Variants in METTL25 observed in about 807,000 individuals in gnomAD.
The protein encoded by METTL25 is methyltransferase like 25, also known as probable methyltransferase-like protein 25.
In METTL25, 64 loss-of-function variants were observed where a neutral mutation model predicts 71.6. The observed-to-expected ratio is 0.89, with a 90% CI of 0.73 to 1.10. METTL25 has a LOEUF of 1.10. Among genes scored for constraint, METTL25 ranks in the 50% least tolerant of loss-of-function variants. METTL25 has a pLI of 0.00. For missense variants in METTL25, 807 were observed against 707.0 expected (o/e 1.14, Z -1.60); for synonymous variants, 287 against 250.3 (o/e 1.15, Z -1.38).
intron 9 of METTL25, among the ~76,000 whole-genome samples, chr12:82,459,553 G>A (rs1000856576): frequency 6.6e-6 from 1 of 152,178 alleles, no homozygotes; most frequent in Non-Finnish European, 1.5e-5. Context: ...CTTGAGCCCA[G>A]GAGTTTGAGG....
At chr12:82,424,441 C>T (rs1365343464) in intron 5 of METTL25, among the ~76,000 whole-genome samples, 4 of 151,958 alleles carry the variant, frequency 2.6e-5, no homozygotes, top group East Asian at 3.9e-4. Flanking sequence ...ATGTAAATGA[C>T]GAGTTAATGG....
chr12:82,459,081 C>T (rs1311481502), intron 9 of METTL25, among the ~76,000 whole-genome samples: 2 of 152,048 alleles, frequency 1.3e-5, no homozygotes, highest in Non-Finnish European at 2.9e-5. Flanking sequence ...TCTATTATCT[C>T]GCTATCGAGA....
chr12:82,399,165 A>G lies in METTL25; in HGVS notation c.902A>G (p.His301Arg), dbSNP rs1344861459. The change falls in exon 4 of 12, where the codon CAT becomes CGT. Residue 301 changes from histidine (H) to arginine (R), a missense_variant. By Grantham distance (29) the His-to-Arg change is conservative. Transcript: ENST00000248306. The stretch of plus-strand genomic sequence containing the variant: ...ATGGAAACCCTTCATTCTCAGCCAC[A>G]TCAAGAAGAAAATTTGTGTTTTGAA... ...NQMETLHSQPHQEENLCFENS... is the reference protein window; with the variant it reads ...NQMETLHSQPRQEENLCFENS... The G allele has an allele frequency of 1.9e-6, 3 of 1,613,532 alleles. No individual in the cohort carries two copies. Among genetic ancestry groups the G allele is most frequent in the Non-Finnish European group, 2.5e-6 (3 of 1,179,826 alleles).
chr12:82,374,648 T>C (rs941574034), intron 1 of METTL25, among the ~76,000 whole-genome samples: 1 of 152,224 alleles, frequency 6.6e-6, no homozygotes, highest in Non-Finnish European at 1.5e-5. Context: ...CACCTCTGTT[T>C]GTTGAATTTA....
chr12:82,367,567 TCA>T (rs1882704423), intron 1 of METTL25, among the ~76,000 whole-genome samples: 1 of 152,216 alleles, frequency 6.6e-6, no homozygotes, highest in South Asian at 2.1e-4. Flanking sequence ...AGAAAATAGT[TCA>T]GTGTCACCTC....
intron 4 of METTL25, 110 bp from the exon 5 acceptor site, chr12:82,402,873 A>C (rs1356486375): frequency 2.7e-6 from 2 of 737,954 alleles, no homozygotes; most frequent in African/African-American, 3.6e-5. Context: ...AATAGCCACC[A>C]CAGTGCAGCC....
intron 1 of METTL25, among the ~76,000 whole-genome samples, chr12:82,360,944 T>A (rs1377160725): frequency 6.6e-6 from 1 of 152,200 alleles, no homozygotes; most frequent in Non-Finnish European, 1.5e-5. Context: ...TGCAGACCTT[T>A]GCGGTGAGTG....
chr12:82,448,904 T>C (rs996782478), intron 8 of METTL25, among the ~76,000 whole-genome samples: 1 of 152,208 alleles, frequency 6.6e-6, no homozygotes, highest in Non-Finnish European at 1.5e-5. Context: ...CATAAATATT[T>C]TGTGATTATG....
intron 8 of METTL25, among the ~76,000 whole-genome samples, chr12:82,443,368 G>T (rs1890493777): frequency 6.6e-6 from 1 of 150,416 alleles, no homozygotes; most frequent in Admixed American, 6.7e-5. Context: ...AGCATAAACA[G>T]TGGAAGCTAG....
At chr12:82,370,152 G>A (rs1454215675) in intron 1 of METTL25, among the ~76,000 whole-genome samples, 1 of 152,166 alleles carries the variant, frequency 6.6e-6, no homozygotes, top group Non-Finnish European at 1.5e-5. Context: ...TGCAGTTGTA[G>A]TGTCCTCCAT....
chr12:82,479,107 AT>A lies in METTL25; in HGVS notation c.*84del. The A allele has an allele frequency of 1.8e-6, 2 of 1,092,472 alleles. No homozygotes were observed. The highest frequency in any genetic ancestry group is 3.0e-5 in the South Asian group (2 of 67,702). 67.7% of individuals were successfully genotyped at this position (1,092,472 alleles called of 1,614,324 possible). On this transcript the variant is annotated 3_prime_UTR_variant, in exon 12 of 12. Coordinates refer to ENST00000248306, the MANE Select transcript of METTL25 (RefSeq NM_032230.3). The stretch of plus-strand genomic sequence containing the variant: ...CTTTTCTAAACATATATGTCCTGTT[AT>A]ACAAAAATTTTTAAATGACTGTTAT...
chr12:82,422,685 A>C (rs964035281), intron 5 of METTL25, among the ~76,000 whole-genome samples: 5 of 152,246 alleles, frequency 3.3e-5, no homozygotes, highest in African/African-American at 4.8e-5. Context: ...GGTGATAAGC[A>C]ACTTCAGCAA....
intron 8 of METTL25, 58 bp from the exon 9 acceptor site, chr12:82,456,669 A>T (rs1891513058): frequency 3.3e-6 from 3 of 901,560 alleles, no homozygotes; most frequent in South Asian, 3.4e-5. Flanking sequence ...GATTGAAATT[A>T]AAACCATCTA....
chr12:82,404,254 T>A (rs985931957), intron 5 of METTL25, among the ~76,000 whole-genome samples: 4 of 152,048 alleles, frequency 2.6e-5, no homozygotes, highest in Non-Finnish European at 1.5e-5. Context: ...AATTTAGCAC[T>A]AGTTTAATTT....
rs1397873724 is a variant in METTL25, at chr12:82,407,942, A to G, written c.1279+4812A>G. ...CTCACTGTATCTTTGCTGTAGTAAA[A>G]CAGAGAAGATGTGAACCATCCCATG... On this transcript the variant is annotated intron_variant, in intron 5 of 11. Coordinates refer to ENST00000248306, the MANE Select transcript of METTL25 (RefSeq NM_032230.3). The G allele has an allele frequency of 5.1e-6, 5 of 985,024 alleles. No individual in the cohort carries two copies. In the African/African-American group the frequency reaches 8.7e-5, roughly 17 times the overall value. The allele number at this position is 985,024 out of a possible 1,614,324, so 61.0% of individuals were successfully genotyped here. A position where few individuals can be genotyped will look rare whatever the true frequency, so the allele number is the denominator to read the frequency against.
At chr12:82,422,557 A>G (rs1463703621) in intron 5 of METTL25, among the ~76,000 whole-genome samples, 1 of 152,212 alleles carries the variant, frequency 6.6e-6, no homozygotes, top group African/African-American at 2.4e-5. Context: ...GCAATTAGGC[A>G]GGAGAAGCAA....
intron 3 of METTL25, among the ~76,000 whole-genome samples, chr12:82,394,272 A>T (rs985157231): frequency 6.6e-6 from 1 of 151,972 alleles, no homozygotes; most frequent in African/African-American, 2.4e-5. Flanking sequence ...GATCTGTCCA[A>T]TACTGAATGG....
intron 5 of METTL25, among the ~76,000 whole-genome samples, chr12:82,428,030 A>G (rs1386597587): frequency 1.3e-5 from 2 of 151,922 alleles, no homozygotes; most frequent in African/African-American, 4.8e-5. Context: ...TCTACTCTCT[A>G]CTGCTCTTGT....
chr12:82,371,129 T>G lies in METTL25; in HGVS notation c.259+12305T>G, dbSNP rs530296217. 3.3e-5 allele frequency among the ~76,000 whole-genome samples: 5 copies of G among 152,356 alleles called. No homozygotes were observed. In the South Asian group the frequency reaches 1.0e-3, roughly 32 times the overall value. On this transcript the variant is annotated intron_variant, in intron 1 of 11. Coordinates refer to ENST00000248306, the MANE Select transcript of METTL25 (RefSeq NM_032230.3). ...TGGTTACAGGCTGTCCCAGGATTCCTCAGGTGGTAACAGACCTTGAGGACA... is the reference window on the plus strand; with the variant it reads ...TGGTTACAGGCTGTCCCAGGATTCCGCAGGTGGTAACAGACCTTGAGGACA...
Sources: gnomAD v4.1 joint callset for allele counts (sites outside exome capture counted in the v4.1 genomes callset) on GRCh38, gnomAD v4.1.1 for gene constraint, MANE v1.5 for transcripts, NCBI Gene and HGNC (gene_info 2026-07-23, HGNC 2026-07-21) for gene names.